The following MSH4 variants were observed in gnomAD, a reference collection of about 807,000 sequenced individuals.
MSH4 encodes mutS homolog 4.
In MSH4, 106 loss-of-function variants were observed where a neutral mutation model predicts 113.7. That is an observed-to-expected ratio of 0.93 (90% CI 0.80 to 1.10). The LOEUF is 1.10. Ranked by LOEUF, MSH4 falls within the 50% of genes least tolerant of loss-of-function variation. The pLI, the probability that MSH4 is intolerant of heterozygous loss-of-function variation, is 0.00. For synonymous variants in MSH4, 368 were observed against 380.2 expected (o/e 0.97, Z 0.37); for missense variants, 1,061 against 1,093.7 (o/e 0.97, Z 0.42).
intron 1 of MSH4, among the ~76,000 whole-genome samples, chr1:75,798,516 A>G (rs1201233852): frequency 6.6e-6 from 1 of 150,852 alleles, no homozygotes; most frequent in African/African-American, 2.4e-5. Flanking sequence ...GGACTAATGG[A>G]TACCTCAGGC....
rs764301512 is a variant in MSH4 at position 75,797,204 on chromosome 1, C to T, written c.219C>T (p.Pro73=). Residue 73 remains proline (P), a synonymous_variant, in exon 1 of 20, where the codon CCC becomes CCT. Coordinates refer to ENST00000263187, the MANE Select transcript of MSH4 (RefSeq NM_002440.4). Reference sequence around the variant, plus strand: ...GCAGCAGCAGCAGCCTTCCCTGCCCCGCGCCAAACTCCCGGCCAGCTCAAG... The same window carrying T: ...GCAGCAGCAGCAGCCTTCCCTGCCCTGCGCCAAACTCCCGGCCAGCTCAAG... ...RSSSSSSLPC[P]APNSRPAQGS... 9.3e-6 allele frequency: 15 copies of T among 1,606,248 alleles called. No individual in the cohort carries two copies. Among genetic ancestry groups the T allele is most frequent in the Admixed American group, 6.8e-5 (4 of 58,564 alleles).
intron 19 of MSH4, among the ~76,000 whole-genome samples, chr1:75,910,115 T>A (rs1652756636): frequency 2.0e-5 from 3 of 152,178 alleles, no homozygotes; most frequent in Admixed American, 2.0e-4. Flanking sequence ...CAAACTATTA[T>A]TTCATTTTCT....
chr1:75,891,534 A>G (rs1652254130), intron 17 of MSH4, among the ~76,000 whole-genome samples: 1 of 152,040 alleles, frequency 6.6e-6, no homozygotes, highest in Admixed American at 6.6e-5. Flanking sequence ...GCTCACTGCA[A>G]CTTCCACCTT....
Position 75,883,606 on chromosome 1 carries a change from A to G in MSH4, c.1907-15A>G, listed in dbSNP as rs756018887. On this transcript the variant is annotated splice_polypyrimidine_tract_variant and intron_variant, in intron 14 of 19. Transcript: ENST00000263187. The stretch of plus-strand genomic sequence containing the variant: ...TATATTAATCTTTAAAAACCATTCT[A>G]TTTTTTTTCTTAAGTTCGACCAGAA... 1 of 1,593,140 alleles carries G rather than the reference A, an allele frequency of 6.3e-7. No homozygotes were observed. Among genetic ancestry groups the G allele is most frequent in the Admixed American group, 1.7e-5 (1 of 58,180 alleles).
chr1:75,854,007 G>GTATATATATATATATATATATATATATA (rs150197709), intron 8 of MSH4, among the ~76,000 whole-genome samples: 12 of 50,436 alleles, frequency 2.4e-4, no homozygotes, highest in African/African-American at 6.3e-4. Context: ...GCATAAGTGT[G>GTATATATATATATATATATATATATATA]TGTGTGTATA....
chr1:75,854,013 G>GTGTATATATATATATATATATATATA (rs1353448679), intron 8 of MSH4, among the ~76,000 whole-genome samples: 10 of 116,850 alleles, frequency 8.6e-5, no homozygotes, highest in South Asian at 4.0e-4. Flanking sequence ...GTGTGTGTGT[G>GTGTATATATATATATATATATATATA]TATATATATA....
Position 75,836,302 on chromosome 1 carries a change from C to CT in MSH4, c.1163-11893dup, listed in dbSNP as rs71071968. Reference sequence around the variant, plus strand: ...TCTTTTTCTCTTTTTCTTTCTTTTTCTTTTTTTTTTTTTTGAGACAAGGTC... The same window carrying CT: ...TCTTTTTCTCTTTTTCTTTCTTTTTCTTTTTTTTTTTTTTTGAGACAAGGTC... On this transcript the variant is annotated intron_variant, in intron 7 of 19. Transcript: ENST00000263187. Among the ~76,000 whole-genome samples, 291 of 135,862 alleles carry CT rather than the reference C, an allele frequency of 2.1e-3. 7 individuals are homozygous for CT. The highest frequency in any genetic ancestry group is 3.8e-3 in the Middle Eastern group (1 of 260). 89.1% of individuals were successfully genotyped at this position (135,862 alleles called of 152,430 possible).
chr1:75,821,516 A>C (rs1361988334), intron 6 of MSH4, among the ~76,000 whole-genome samples: 2 of 152,190 alleles, frequency 1.3e-5, no homozygotes, highest in East Asian at 1.9e-4. Flanking sequence ...AAGAGCAAAC[A>C]CATTCAAAAG....
intron 19 of MSH4, among the ~76,000 whole-genome samples, chr1:75,910,030 C>T (rs1221094895): frequency 3.9e-5 from 6 of 152,114 alleles, no homozygotes; most frequent in African/African-American, 1.2e-4. Flanking sequence ...TTAATATTTT[C>T]GTCACAGGCT....
At chr1:75,809,393 T>A (rs1650137568) in intron 3 of MSH4, among the ~76,000 whole-genome samples, 1 of 152,136 alleles carries the variant, frequency 6.6e-6, no homozygotes, top group Non-Finnish European at 1.5e-5. Context: ...GCATACTAAC[T>A]TCATCTGTAG....
At position 75,807,113 on chromosome 1, in the gene MSH4, A is replaced by C; in HGVS notation, c.560A>C (p.Gln187Pro). 6.4e-7 allele frequency: 1 copy of C among 1,572,710 alleles called. No individual in the cohort carries two copies. The highest frequency in any genetic ancestry group is 8.6e-7 in the Non-Finnish European group (1 of 1,168,052). ...DLKNPQIILSQFADNTTYAKV... is the reference protein window; with the variant it reads ...DLKNPQIILSPFADNTTYAKV... ...AAAAACCCCCAAATTATACTATCCCAGTTTGCAGACAACACAACATATGCA... is the reference window on the plus strand; with the variant it reads ...AAAAACCCCCAAATTATACTATCCCCGTTTGCAGACAACACAACATATGCA... The change falls in exon 3 of 20, where the codon CAG becomes CCG. Residue 187 changes from glutamine to proline, a missense_variant. Physicochemically the swap from Gln to Pro is moderately conservative, Grantham distance 76. Coordinates refer to ENST00000263187, the MANE Select transcript of MSH4 (RefSeq NM_002440.4).
rs150971385 is a variant in MSH4, at chr1:75,806,499, G to A, written c.428-482G>A. Among the ~76,000 whole-genome samples, 962 of 151,906 alleles carry A rather than the reference G, an allele frequency of 6.3e-3. 15 individuals carry two copies. The highest frequency in any genetic ancestry group is 0.035 in the Admixed American group (539 of 15,252). ...CCTGGCCTTGTGATCCGCCCACCTC[G>A]GCCTCCCAAAGTGCTGGGATTACAG... On this transcript the variant is annotated intron_variant, in intron 2 of 19. Transcript: ENST00000263187.
rs1437019867 is a variant in MSH4 at position 75,882,719 on chromosome 1, C to CTCCCA, written c.1907-901_1907-897dup. On this transcript the variant is annotated intron_variant, in intron 14 of 19. Transcript: ENST00000263187. ...TGAGAAGTGGTGGCAGGTGCCTGTA[C>CTCCCA]TCCCAGCTTCTTGAAAGGCTGAGGC... Among the ~76,000 whole-genome samples the CTCCCA allele has an allele frequency of 2.0e-5, 3 of 147,194 alleles. No individual in the cohort carries two copies. In the East Asian group the frequency reaches 6.0e-4, roughly 29 times the overall value.
At chr1:75,834,981 C>T (rs1650797476) in intron 7 of MSH4, among the ~76,000 whole-genome samples, 1 of 152,166 alleles carries the variant, frequency 6.6e-6, no homozygotes, top group African/African-American at 2.4e-5. Flanking sequence ...TGCAACCTGG[C>T]TGTTTGTCCA....
intron 7 of MSH4, among the ~76,000 whole-genome samples, chr1:75,838,246 A>G (rs1310882383): frequency 6.6e-6 from 1 of 152,064 alleles, no homozygotes; most frequent in African/African-American, 2.4e-5. Flanking sequence ...CTTGGCTCTT[A>G]GCCCTTCCTC....
chr1:75,815,242 C>T, intron 5 of MSH4, 106 bp downstream of exon 5: 2 of 595,532 alleles, frequency 3.4e-6, no homozygotes, highest in Non-Finnish European at 5.6e-6. Flanking sequence ...GTGAGTTCCA[C>T]AAGGGCAGGG....
At chr1:75,825,974 C>T (rs1650540788) in intron 7 of MSH4, among the ~76,000 whole-genome samples, 1 of 152,134 alleles carries the variant, frequency 6.6e-6, no homozygotes, top group Non-Finnish European at 1.5e-5. Flanking sequence ...TGATACTGCC[C>T]TCATAAAATG....
At chr1:75,868,186 T>C (rs1651629682) in intron 9 of MSH4, among the ~76,000 whole-genome samples, 1 of 152,198 alleles carries the variant, frequency 6.6e-6, no homozygotes, top group African/African-American at 2.4e-5. Flanking sequence ...TAATACTCTA[T>C]GATGTATCCT....
chr1:75,890,195 C>T (rs914084729), intron 16 of MSH4, among the ~76,000 whole-genome samples: 1 of 151,936 alleles, frequency 6.6e-6, no homozygotes, highest in Non-Finnish European at 1.5e-5. Context: ...GTCTTAGTCT[C>T]CATTGGTCAT....
Sources: gnomAD v4.1 joint callset for allele counts (sites outside exome capture counted in the v4.1 genomes callset) on GRCh38, gnomAD v4.1.1 for gene constraint, MANE v1.5 for transcripts, NCBI Gene and HGNC (gene_info 2026-07-23, HGNC 2026-07-21) for gene names.